The following SHANK2 variants were observed in gnomAD, a reference collection of about 807,000 sequenced individuals.
The protein encoded by SHANK2 is SH3 and multiple ankyrin repeat domains protein 2.
Under a neutral mutation model 133.7 loss-of-function variants are expected in SHANK2, and 43 were observed. The observed-to-expected ratio is 0.32, with a 90% CI of 0.25 to 0.41. The LOEUF is 0.41. Ranked by LOEUF, SHANK2 falls within the 10% of genes least tolerant of loss-of-function variation. SHANK2 has a pLI of 1.00. For missense variants in SHANK2, 1,994 were observed against 2,235.8 expected, an observed-to-expected ratio of 0.89 and a Z score of 2.18; for synonymous variants, 1,017 against 952.8, an observed-to-expected ratio of 1.07 and a Z score of -1.24.
intron 2 of SHANK2, among the ~76,000 whole-genome samples, chr11:71,148,081 CTTGTTT>C (rs1443581887): frequency 1.5e-5 from 2 of 134,798 alleles, no homozygotes; most frequent in African/African-American, 3.3e-5. Context: ...ACCAAGGCTT[CTTGTTT>C]TTTTTTTTTT....
intron 3 of SHANK2, among the ~76,000 whole-genome samples, chr11:71,133,800 T>G (rs1407759810): frequency 2.6e-5 from 4 of 152,176 alleles, no homozygotes; most frequent in Admixed American, 6.5e-5. Flanking sequence ...CAAGGCAACA[T>G]ATACCTAAAC....
rs1185901887 is a variant in SHANK2 at position 70,898,280 on chromosome 11, A to ACG, written c.1108-1715_1108-1714dup. ...TGTGCCTGGCCAAATATATACACAC[A>ACG]CGCACACACACACACACACACACAC... On this transcript the variant is annotated intron_variant, in intron 10 of 25. Coordinates refer to ENST00000601538, the MANE Select transcript of SHANK2 (RefSeq NM_012309.5). Among the ~76,000 whole-genome samples, 611 of 110,900 alleles carry ACG rather than the reference A, an allele frequency of 5.5e-3. 5 individuals are homozygous for ACG. Among genetic ancestry groups the ACG allele is most frequent in the African/African-American group, 0.021 (577 of 28,140 alleles). 72.8% of individuals were successfully genotyped at this position (110,900 alleles called of 152,430 possible).
Position 70,806,949 on chromosome 11 carries a change from G to A in SHANK2, c.1663+53C>T, listed in dbSNP as rs1176229002. Reference sequence around the variant, plus strand: ...TCGTCCCCACAGCAGGCCGGGTGAAGGGCCCCAGCCTGACCTCACTCCAGG... The same window carrying A: ...TCGTCCCCACAGCAGGCCGGGTGAAAGGCCCCAGCCTGACCTCACTCCAGG... On this transcript the variant is annotated intron_variant, in intron 13 of 25. Coordinates refer to ENST00000601538, the MANE Select transcript of SHANK2 (RefSeq NM_012309.5). 15 of 679,250 alleles carry A rather than the reference G, an allele frequency of 2.2e-5. No homozygotes were observed. In the African/African-American group the frequency reaches 2.7e-4, roughly 12 times the overall value. 42.1% of individuals were successfully genotyped at this position (679,250 alleles called of 1,614,324 possible). A position where few individuals can be genotyped will look rare whatever the true frequency, so the allele number is the denominator to read the frequency against.
At chr11:71,204,416 T>C (rs895146024) in intron 2 of SHANK2, among the ~76,000 whole-genome samples, 6 of 151,930 alleles carry the variant, frequency 3.9e-5, no homozygotes, top group Non-Finnish European at 5.9e-5. Context: ...CTGCGCTGCC[T>C]CTGTAAAGTG....
In SHANK2 at chr11:70,807,131, C is replaced by T; in HGVS notation, c.1534G>A (p.Ala512Thr). Residue 512 changes from alanine to threonine, a missense_variant, in exon 13 of 26, where the codon GCC becomes ACC. Physicochemically the swap from Ala to Thr is moderately conservative, Grantham distance 58. This residue lies in a region of SHANK2 where 653 missense variants were observed against 563.4 expected (regional missense o/e 1.16). Coordinates refer to ENST00000601538, the MANE Select transcript of SHANK2 (RefSeq NM_012309.5). The surrounding 1 kb of genome is among the most constrained non-coding windows in gnomAD (Gnocchi z 4.8). The stretch of plus-strand genomic sequence containing the variant: ...CGCTTGGGCCCCGGGTACTCGAAGG[C>T]CGAGAGTGAGTCCTTGTTGGCACCA... ...ALGANKDSLS[A>T]FEYPGPKRKL... 1.4e-6 allele frequency: 1 copy of T among 717,948 alleles called. No individual in the cohort carries two copies. The highest frequency in any genetic ancestry group is 2.6e-6 in the Non-Finnish European group (1 of 384,968). The allele number at this position is 717,948 out of a possible 1,614,324, so 44.5% of individuals were successfully genotyped here.
chr11:70,567,323 T>A (rs1554982065), intron 17 of SHANK2, among the ~76,000 whole-genome samples: 1 of 152,110 alleles, frequency 6.6e-6, no homozygotes, highest in Non-Finnish European at 1.5e-5. Flanking sequence ...GGCTGACTGG[T>A]GTCCTTATAA....
intron 14 of SHANK2, among the ~76,000 whole-genome samples, chr11:70,759,748 C>T (rs2134969027): frequency 6.6e-6 from 1 of 152,286 alleles, no homozygotes; most frequent in South Asian, 2.1e-4. Context: ...GTGCTTTTCT[C>T]TTCCTCTAGC....
chr11:70,922,810 G>C (rs1950369754), intron 10 of SHANK2, among the ~76,000 whole-genome samples: 1 of 152,176 alleles, frequency 6.6e-6, no homozygotes, highest in Admixed American at 6.5e-5. Context: ...TAGGAGTGGT[G>C]AGTTTCTAAA....
At chr11:70,536,392 G>A (rs978066568) in intron 17 of SHANK2, among the ~76,000 whole-genome samples, 3 of 152,184 alleles carry the variant, frequency 2.0e-5, no homozygotes, top group Non-Finnish European at 2.9e-5. Flanking sequence ...CTGTAGGCTG[G>A]AGGCCACTCC....
intron 15 of SHANK2, among the ~76,000 whole-genome samples, chr11:70,687,474 T>C (rs1439623154): frequency 1.3e-5 from 2 of 152,096 alleles, no homozygotes; most frequent in African/African-American, 4.8e-5. Flanking sequence ...CTCAGTGACC[T>C]CACGTTGGCA....
intron 3 of SHANK2, among the ~76,000 whole-genome samples, chr11:71,126,422 A>G (rs1161199433): frequency 2.0e-5 from 3 of 152,168 alleles, no homozygotes; most frequent in African/African-American, 7.2e-5. Context: ...TGGTCACTCA[A>G]GAGTGCTGAT....
chr11:70,821,893 T>C (rs1948532306), intron 11 of SHANK2, among the ~76,000 whole-genome samples: 1 of 152,254 alleles, frequency 6.6e-6, no homozygotes, highest in South Asian at 2.1e-4. Context: ...GGGCACCCCT[T>C]ATCTGGCATC....
At chr11:70,759,100 G>C (rs1946933998) in intron 14 of SHANK2, among the ~76,000 whole-genome samples, 1 of 151,964 alleles carries the variant, frequency 6.6e-6, no homozygotes. Context: ...AGAGGTTGCA[G>C]TGAGCAGTGA....
chr11:70,488,376 G>A (rs1272446847), intron 24 of SHANK2, among the ~76,000 whole-genome samples: 5 of 152,208 alleles, frequency 3.3e-5, no homozygotes, highest in African/African-American at 1.2e-4. Context: ...CACCCTGAGC[G>A]AAGCCATCTG....
At chr11:70,665,302 A>G (rs782587856) in intron 15 of SHANK2, among the ~76,000 whole-genome samples, 1 of 152,078 alleles carries the variant, frequency 6.6e-6, no homozygotes, top group Non-Finnish European at 1.5e-5. Context: ...CACCATGCCC[A>G]GCTAATTTTT....
chr11:71,139,360 G>C (rs1321800516), intron 3 of SHANK2, among the ~76,000 whole-genome samples: 4 of 138,000 alleles, frequency 2.9e-5, no homozygotes, highest in Non-Finnish European at 6.2e-5. Flanking sequence ...AAAGGGGTAG[G>C]GGGAGGGGGG....
chr11:71,177,972 T>A (rs1432017594), intron 2 of SHANK2, among the ~76,000 whole-genome samples: 1 of 152,204 alleles, frequency 6.6e-6, no homozygotes, highest in East Asian at 1.9e-4. Flanking sequence ...CCTCATGCAC[T>A]GCTAGTAGAA....
At chr11:70,902,317 T>C (rs1950034486) in intron 10 of SHANK2, among the ~76,000 whole-genome samples, 2 of 152,154 alleles carry the variant, frequency 1.3e-5, no homozygotes, top group South Asian at 4.1e-4. Flanking sequence ...AAAGCAACAG[T>C]CTGTGTTTCT....
chr11:71,132,929 G>C (rs1952346788), intron 3 of SHANK2, among the ~76,000 whole-genome samples: 1 of 152,186 alleles, frequency 6.6e-6, no homozygotes, highest in South Asian at 2.1e-4. Flanking sequence ...AGTGGAGGCA[G>C]AGGGAAGGCT....
Sources: allele counts gnomAD v4.1 joint callset (sites outside exome capture counted in the v4.1 genomes callset), GRCh38; gene constraint gnomAD v4.1.1; regional missense constraint gnomAD v4.1.1; non-coding constraint Gnocchi (gnomAD v3.1); transcripts MANE v1.5; gene names NCBI Gene and HGNC (gene_info 2026-07-23, HGNC 2026-07-21).